The following RBM10 variants were observed in gnomAD, a reference collection of about 807,000 sequenced individuals.
The protein encoded by RBM10 is RNA binding motif protein 10, also known as RNA-binding protein 10.
Under a neutral mutation model 84.9 loss-of-function variants are expected in RBM10, and 1 was observed. The observed-to-expected ratio is 0.01, with a 90% CI of 0.00 to 0.06. RBM10 has a LOEUF of 0.06. Among genes scored for constraint, RBM10 ranks in the 10% least tolerant of loss-of-function variants. RBM10 has a pLI of 1.00. For synonymous variants in RBM10, 326 were observed against 344.5 expected, an observed-to-expected ratio of 0.95 and a Z score of 0.60; for missense variants, 438 against 839.0, an observed-to-expected ratio of 0.52 and a Z score of 5.90.
chrX:47,177,803 G>A (rs1935247162), intron 7 of RBM10, among the ~76,000 whole-genome samples: 1 of 110,904 alleles, frequency 9.0e-6, no homozygotes, highest in Non-Finnish European at 1.9e-5. Flanking sequence ...TTTTGGTAGA[G>A]ACAGGGTTTC....
At chrX:47,162,084 G>A (rs1314784434) in intron 2 of RBM10, among the ~76,000 whole-genome samples, 2 of 112,041 alleles carry the variant, frequency 1.8e-5, no homozygotes, top group South Asian at 3.6e-4. Context: ...CTCGTGATCC[G>A]CCTGCCTTGG....
chrX:47,186,346 G>A lies in RBM10; in HGVS notation c.2626G>A (p.Gly876Ser), dbSNP rs1935905899. ...GGCCATGGGCTGGAAAGAGGGCAGC[G>A]GCCTGGGCCGCAAGAAGCAGGGCAT... ...LQAMGWKEGS[G>S]LGRKKQGIVT... is the part of the protein sequence containing the mutation. Residue 876 changes from glycine (G) to serine (S), a missense_variant, in exon 23 of 24, where the codon GGC (glycine) becomes AGC (serine). Gly to Ser is a moderately conservative substitution (Grantham distance 56, BLOSUM62 0). Around this residue, in one of 8 missense-constraint regions of RBM10, gnomAD observed 92 missense variants for 199.9 expected, o/e 0.46. Transcript: ENST00000377604. 8.3e-7 allele frequency: 1 copy of A among 1,198,695 alleles called. No homozygotes were observed. The highest frequency in any genetic ancestry group is 1.1e-6 in the Non-Finnish European group (1 of 888,502).
At chrX:47,176,714 GTCTCTCTCTCTCTC>G in intron 7 of RBM10, 128 bp downstream of exon 7, 4 of 949,954 alleles carry the variant, frequency 4.2e-6, no homozygotes, top group South Asian at 4.6e-5. Flanking sequence ...CTCTCCCTCT[GTCTCTCTCTCTCTC>G]TCTCTCTCTC....
At position 47,186,336 on chromosome X, in the gene RBM10, A is replaced by G; in HGVS notation, c.2616A>G (p.Lys872=). ...GSRMLQAMGW[K]EGSGLGRKKQ... is the part of the protein sequence containing the mutation. ...GGATGCTGCAGGCCATGGGCTGGAA[A>G]GAGGGCAGCGGCCTGGGCCGCAAGA... Residue 872 remains lysine, a synonymous_variant, in exon 23 of 24, where the codon AAA becomes AAG. Transcript: ENST00000377604. 1 of 1,201,429 alleles carries G rather than the reference A, an allele frequency of 8.3e-7. No homozygotes were observed.
At chrX:47,167,139 T>A (rs782037953) in intron 2 of RBM10, among the ~76,000 whole-genome samples, 61 of 111,464 alleles carry the variant, frequency 5.5e-4, no homozygotes, top group Middle Eastern at 4.6e-3. Flanking sequence ...TTGATATTTT[T>A]ATCTGTGAAT....
chrX:47,150,936 C>A (rs1489423073), intron 2 of RBM10, among the ~76,000 whole-genome samples: 1 of 111,812 alleles, frequency 8.9e-6, no homozygotes, highest in Non-Finnish European at 1.9e-5. Flanking sequence ...TCATCTAAGA[C>A]CTTTGTAGAG....
chrX:47,163,086 T>C (rs1227277318), intron 2 of RBM10, among the ~76,000 whole-genome samples: 2 of 108,502 alleles, frequency 1.8e-5, no homozygotes, highest in Non-Finnish European at 3.8e-5. Context: ...TAATCTTAGG[T>C]CTAATCATGA....
chrX:47,178,899 C>T (rs782555033), intron 7 of RBM10, among the ~76,000 whole-genome samples: 2 of 111,416 alleles, frequency 1.8e-5, no homozygotes, highest in South Asian at 7.6e-4. Context: ...AGTGGGTTGG[C>T]ACAGAGGACA....
At chrX:47,152,073 G>A (rs1325604776) in intron 2 of RBM10, among the ~76,000 whole-genome samples, 1 of 111,594 alleles carries the variant, frequency 9.0e-6, no homozygotes, top group Non-Finnish European at 1.9e-5. Flanking sequence ...TCAGCCAGGC[G>A]TGGTGAAGCA....
At chrX:47,171,281 G>C in intron 4 of RBM10, 23 bp downstream of exon 4, 1 of 1,208,146 alleles carries the variant, frequency 8.3e-7, no homozygotes, top group Middle Eastern at 2.8e-4. Flanking sequence ...CATGGCCCCG[G>C]GCAGGAGGCC....
Position 47,171,165 on chromosome X carries a change from G to A in RBM10, c.339G>A (p.Glu113=). ...AGGACTATCGGACCGAGCAAGGGGAGGAGGAGGAGGAGGAGGAGGATGAGG... is the reference window on the plus strand; with the variant it reads ...AGGACTATCGGACCGAGCAAGGGGAAGAGGAGGAGGAGGAGGAGGATGAGG... ...RDQDYRTEQG[E]EEEEEEDEEE... Residue 113 remains glutamate, a synonymous_variant, in exon 4 of 24, where the codon GAG becomes GAA. Transcript: ENST00000377604. 8.3e-7 allele frequency: 1 copy of A among 1,204,829 alleles called. No individual in the cohort carries two copies. Among genetic ancestry groups the A allele is most frequent in the Non-Finnish European group, 1.1e-6 (1 of 892,207 alleles).
chrX:47,171,512 G>A (rs1240135930), intron 4 of RBM10, among the ~76,000 whole-genome samples: 2 of 112,670 alleles, frequency 1.8e-5, no homozygotes, highest in African/African-American at 6.4e-5. Context: ...GGTGGGTATG[G>A]GCGGGAGAAG....
rs782619300 is a variant in RBM10, at chrX:47,170,046, C to T, written c.201+548C>T. On this transcript the variant is annotated intron_variant, in intron 3 of 23. Coordinates refer to ENST00000377604, the MANE Select transcript of RBM10 (RefSeq NM_005676.5). ...GCGCGATGTTTACACCATCAGGGAGCCCCCACCCGAGGGGAAGAAACAGGC... is the reference window on the plus strand; with the variant it reads ...GCGCGATGTTTACACCATCAGGGAGTCCCCACCCGAGGGGAAGAAACAGGC... Among the ~76,000 whole-genome samples, 25 of 113,143 alleles carry T rather than the reference C, an allele frequency of 2.2e-4. 1 individual carries two copies. Among genetic ancestry groups the T allele is most frequent in the Non-Finnish European group, 3.8e-4 (20 of 53,283 alleles).
chrX:47,182,048 A>T lies in RBM10; in HGVS notation c.1785+6A>T, dbSNP rs782383691. The T allele has an allele frequency of 4.1e-6, 5 of 1,211,137 alleles. No homozygotes were observed. The highest frequency in any genetic ancestry group is 2.3e-4 in the Middle Eastern group (1 of 4,353). The stretch of plus-strand genomic sequence containing the variant: ...ACTATGACCCCAACTCCCAGGTAAT[A>T]GGGCAGCCCAGGGAGGGATGGGATC... On this transcript the variant is annotated splice_donor_region_variant and intron_variant, in intron 16 of 23. Coordinates refer to ENST00000377604, the MANE Select transcript of RBM10 (RefSeq NM_005676.5).
At chrX:47,180,127 C>T (rs782168534) in intron 10 of RBM10, 85 bp from the exon 11 acceptor site, 24 of 1,184,245 alleles carry the variant, frequency 2.0e-5, no homozygotes, top group South Asian at 1.3e-4. Flanking sequence ...CCTCCCACCG[C>T]GGCTGCCAGC....
rs2147179604 is a variant in RBM10, at chrX:47,180,427, C to G, written c.1169C>G (p.Ala390Gly). Residue 390 changes from alanine to glycine, a missense_variant, in exon 12 of 24, where the codon GCC (alanine) becomes GGC (glycine). Physicochemically the swap from Ala to Gly is moderately conservative, Grantham distance 60. Around this residue, in one of 8 missense-constraint regions of RBM10, gnomAD observed 33 missense variants for 115.0 expected, o/e 0.29. Coordinates refer to ENST00000377604, the MANE Select transcript of RBM10 (RefSeq NM_005676.5). The stretch of plus-strand genomic sequence containing the variant: ...TCTAACATCCTCCTCAGGGACATGG[C>G]CTCCAATGAAGGCAGTCGCATCAGT... ...EFAKGSKRDM[A>G]SNEGSRISAA... The G allele has an allele frequency of 1.7e-6, 2 of 1,191,045 alleles. No homozygotes were observed. The highest frequency in any genetic ancestry group is 3.6e-5 in the South Asian group (2 of 56,211).
At chrX:47,151,949 C>G (rs1556763769) in intron 2 of RBM10, among the ~76,000 whole-genome samples, 1 of 111,991 alleles carries the variant, frequency 8.9e-6, no homozygotes, top group African/African-American at 3.2e-5. Context: ...TGTGGCCTGG[C>G]ATGGTGGATC....
At chrX:47,168,980 T>C (rs1556770325) in intron 2 of RBM10, among the ~76,000 whole-genome samples, 1 of 110,507 alleles carries the variant, frequency 9.0e-6, no homozygotes, top group Non-Finnish European at 1.9e-5. Flanking sequence ...CAGGTTGCAC[T>C]TCAGAGATGT....
Position 47,171,105 on chromosome X carries a change from G to A in RBM10, c.279G>A (p.Pro93=), listed in dbSNP as rs782567113. The change falls in exon 4 of 24, where the codon CCG becomes CCA. Residue 93 remains proline, a synonymous_variant. Coordinates refer to ENST00000377604, the MANE Select transcript of RBM10 (RefSeq NM_005676.5). ...GGCACAGGCACAGCCCCACCGGCCCGCCAGGCTTCCCCCGAGACGGCGACT... is the reference window on the plus strand; with the variant it reads ...GGCACAGGCACAGCCCCACCGGCCCACCAGGCTTCCCCCGAGACGGCGACT... The part of the protein sequence containing the change: ...RRRHRHSPTG[P]PGFPRDGDYR... 17 of 1,210,536 alleles carry A rather than the reference G, an allele frequency of 1.4e-5. No individual in the cohort carries two copies. The highest frequency in any genetic ancestry group is 1.8e-5 in the South Asian group (1 of 56,791).
Sources: gnomAD v4.1 joint callset for allele counts (sites outside exome capture counted in the v4.1 genomes callset) on GRCh38, gnomAD v4.1.1 for gene constraint, gnomAD v4.1.1 regional missense constraint, MANE v1.5 for transcripts, NCBI Gene and HGNC (gene_info 2026-07-23, HGNC 2026-07-21) for gene names.